Variants in CDKAL1 observed in about 807,000 individuals in gnomAD.
CDKAL1 encodes CDKAL1 threonylcarbamoyladenosine tRNA methylthiotransferase.
CDKAL1 carries 32 observed loss-of-function variants against 68.2 expected under a neutral mutation model. The ratio of observed to expected loss-of-function variants is 0.47; its 90% CI spans 0.35 to 0.63. CDKAL1 has a LOEUF of 0.63. Among genes scored for constraint, CDKAL1 ranks in the 30% least tolerant of loss-of-function variants. The pLI is 0.00. For missense variants in CDKAL1, 606 were observed against 696.7 expected (o/e 0.87, Z 1.47); for synonymous variants, 234 against 244.3 (o/e 0.96, Z 0.39).
chr6:20,794,372 GC>G (rs1776025921), intron 8 of CDKAL1, among the ~76,000 whole-genome samples: 1 of 152,072 alleles, frequency 6.6e-6, no homozygotes, highest in African/African-American at 2.4e-5. Context: ...CACACAGTGA[GC>G]AACAGTTTGA....
intron 12 of CDKAL1, among the ~76,000 whole-genome samples, chr6:21,090,506 CT>C (rs1772942468): frequency 6.6e-6 from 1 of 152,164 alleles, no homozygotes; most frequent in Non-Finnish European, 1.5e-5. Flanking sequence ...TTGTAACATT[CT>C]ACTTTCATAA....
At chr6:20,953,804 A>G (rs1046155454) in intron 9 of CDKAL1, among the ~76,000 whole-genome samples, 2 of 152,208 alleles carry the variant, frequency 1.3e-5, no homozygotes, top group East Asian at 1.9e-4. Flanking sequence ...GCAAAGGTTT[A>G]TTATTTCTGG....
chr6:20,950,060 G>A (rs1764447639), intron 9 of CDKAL1, among the ~76,000 whole-genome samples: 1 of 152,144 alleles, frequency 6.6e-6, no homozygotes. Context: ...AAAGTGCTAG[G>A]ATGGCAGGCA....
chr6:20,623,938 A>T (rs2127735454), intron 4 of CDKAL1, among the ~76,000 whole-genome samples: 1 of 152,254 alleles, frequency 6.6e-6, no homozygotes, highest in East Asian at 1.9e-4. Context: ...GAATTTATGC[A>T]TGTAAATCTC....
chr6:20,624,675 T>A (rs1767347781), intron 4 of CDKAL1, among the ~76,000 whole-genome samples: 1 of 151,676 alleles, frequency 6.6e-6, no homozygotes, highest in African/African-American at 2.4e-5. Context: ...ACGAGAGTAG[T>A]GGGAAAAAAA....
intron 15 of CDKAL1, among the ~76,000 whole-genome samples, chr6:21,223,745 C>G (rs1779621568): frequency 6.6e-6 from 1 of 152,212 alleles, no homozygotes; most frequent in Non-Finnish European, 1.5e-5. Flanking sequence ...TGCCCTTTCC[C>G]TCGGAGTCTT....
intron 6 of CDKAL1, among the ~76,000 whole-genome samples, chr6:20,741,353 C>T (rs948713622): frequency 3.3e-5 from 5 of 151,930 alleles, no homozygotes; most frequent in Admixed American, 2.0e-4. Flanking sequence ...TTGAGGGGTA[C>T]ATGTGCAGGT....
At chr6:20,650,408 GT>G (rs201605629) in intron 5 of CDKAL1, among the ~76,000 whole-genome samples, 1 of 151,646 alleles carries the variant, frequency 6.6e-6, no homozygotes, top group Non-Finnish European at 1.5e-5. Flanking sequence ...GGGGTTGTTT[GT>G]TTTTTTTCCT....
chr6:20,817,309 G>T (rs1209452489), intron 8 of CDKAL1, among the ~76,000 whole-genome samples: 1 of 151,980 alleles, frequency 6.6e-6, no homozygotes, highest in Non-Finnish European at 1.5e-5. Context: ...AAAAATTGAA[G>T]TGGAATTTTG....
intron 5 of CDKAL1, among the ~76,000 whole-genome samples, chr6:20,717,515 A>G (rs1444786852): frequency 2.0e-5 from 3 of 152,016 alleles, no homozygotes; most frequent in African/African-American, 7.2e-5. Context: ...TTTGATAGAT[A>G]TGATGGTGTA....
intron 6 of CDKAL1, among the ~76,000 whole-genome samples, chr6:20,741,293 C>T (rs768913506): frequency 2.7e-4 from 41 of 152,022 alleles, no homozygotes; most frequent in Non-Finnish European, 3.8e-4. Context: ...AATCCCACAC[C>T]TTTGTTGTTC....
chr6:20,758,398 G>A (rs1342760568), intron 6 of CDKAL1, among the ~76,000 whole-genome samples, 197 bp from the exon 7 acceptor site: 1 of 152,136 alleles, frequency 6.6e-6, no homozygotes, highest in Non-Finnish European at 1.5e-5. Flanking sequence ...TTGGAGGACA[G>A]GAGAGTGATA....
chr6:20,814,885 G>A (rs927863000), intron 8 of CDKAL1, among the ~76,000 whole-genome samples: 1 of 152,140 alleles, frequency 6.6e-6, no homozygotes, highest in East Asian at 1.9e-4. Flanking sequence ...TAGTGTTAAT[G>A]ATAGCTGAAC....
intron 6 of CDKAL1, among the ~76,000 whole-genome samples, chr6:20,741,489 C>T (rs977938377): frequency 1.3e-5 from 2 of 151,946 alleles, no homozygotes; most frequent in African/African-American, 4.8e-5. Context: ...TCCAATAGGC[C>T]CCAGTGTGGT....
At chr6:21,127,846 G>A (rs188845700) in intron 13 of CDKAL1, among the ~76,000 whole-genome samples, 41 of 152,292 alleles carry the variant, frequency 2.7e-4, no homozygotes, top group Middle Eastern at 6.8e-3. Context: ...GTTAAAACTG[G>A]CTTTACTAAA....
At chr6:20,974,552 A>G (rs1410582312) in intron 10 of CDKAL1, among the ~76,000 whole-genome samples, 1 of 152,202 alleles carries the variant, frequency 6.6e-6, no homozygotes, top group Non-Finnish European at 1.5e-5. Context: ...AATATTTGAG[A>G]AATCAGAGTT....
At chr6:20,561,108 T>C (rs1320383671) in intron 4 of CDKAL1, among the ~76,000 whole-genome samples, 1 of 152,148 alleles carries the variant, frequency 6.6e-6, no homozygotes, top group East Asian at 1.9e-4. Flanking sequence ...TTCTCATCTT[T>C]ACCTTTGACA....
rs144700553 is a variant in CDKAL1 at position 20,753,610 on chromosome 6, C to G, written c.469-4985C>G. Among the ~76,000 whole-genome samples, 831 of 152,230 alleles carry G rather than the reference C, an allele frequency of 5.5e-3. 7 individuals carry two copies. The highest frequency in any genetic ancestry group is 9.2e-3 in the Non-Finnish European group (629 of 68,016). On this transcript the variant is annotated intron_variant, in intron 6 of 15. Coordinates refer to ENST00000274695, the MANE Select transcript of CDKAL1 (RefSeq NM_017774.3). Reference sequence around the variant, plus strand: ...ACAATGAAGCGATGACCTAATAACACGTTTCTCAGAACACATTCTGTCTTA... The same window carrying G: ...ACAATGAAGCGATGACCTAATAACAGGTTTCTCAGAACACATTCTGTCTTA...
At chr6:20,614,675 G>GTTTTA (rs1766803392) in intron 4 of CDKAL1, among the ~76,000 whole-genome samples, 1 of 152,088 alleles carries the variant, frequency 6.6e-6, no homozygotes. Flanking sequence ...TTATGTTTTT[G>GTTTTA]CTGAAGAATT....
Sources: gnomAD v4.1 joint callset for allele counts (sites outside exome capture counted in the v4.1 genomes callset) on GRCh38, gnomAD v4.1.1 for gene constraint, MANE v1.5 for transcripts, NCBI Gene and HGNC (gene_info 2026-07-23, HGNC 2026-07-21) for gene names.